Variants in SLC5A3 observed in about 807,000 individuals in gnomAD.
SLC5A3 encodes solute carrier family 5 member 3.
SLC5A3 carries 10 observed loss-of-function variants against 43.2 expected under a neutral mutation model. That is an observed-to-expected ratio of 0.23 (90% CI 0.14 to 0.39). The LOEUF (loss-of-function observed/expected upper bound fraction) is 0.39. SLC5A3 is among the 10% of genes least tolerant of loss of function. The pLI is 1.00. For synonymous variants in SLC5A3, 349 were observed against 322.0 expected, an observed-to-expected ratio of 1.08 and a Z score of -0.90; for missense variants, 608 against 893.4, an observed-to-expected ratio of 0.68 and a Z score of 4.07.
chr21:34,097,656 TAA>T lies in SLC5A3; in HGVS notation c.*302_*303del. The T allele has an allele frequency of 9.3e-7, 1 of 1,080,316 alleles. No individual in the cohort carries two copies. The highest frequency in any genetic ancestry group is 1.1e-6 in the Non-Finnish European group (1 of 881,966). The allele number at this position is 1,080,316 out of a possible 1,614,324, so 66.9% of individuals were successfully genotyped here. A position where few individuals can be genotyped will look rare whatever the true frequency, so the allele number is the denominator to read the frequency against. ...AGAGCACTTAGAGCAGAATATATGT[TAA>T]GTTACCATGAATTAAGGTATACTGT... On this transcript the variant is annotated 3_prime_UTR_variant, in exon 2 of 2. Coordinates refer to ENST00000381151, the MANE Select transcript of SLC5A3 (RefSeq NM_006933.7).
At position 34,095,722 on chromosome 21, in the gene SLC5A3, C is replaced by G; in HGVS notation, c.524C>G (p.Thr175Ser). ...GGCATGACTGCTTTGCTGACTGTCA[C>G]CGGAGGCCTTGTTGCAGTGATCTAC... ...LIGMTALLTV[T>S]GGLVAVIYTD... The change falls in exon 2 of 2, where the codon ACC (threonine) becomes AGC (serine). Residue 175 changes from threonine to serine, a missense_variant. By Grantham distance (58) the Thr-to-Ser change is moderately conservative. This residue lies in a region of SLC5A3 where 398 missense variants were observed against 668.6 expected (regional missense o/e 0.60). Coordinates refer to ENST00000381151, the MANE Select transcript of SLC5A3 (RefSeq NM_006933.7). 6.3e-7 allele frequency: 1 copy of G among 1,576,858 alleles called. No homozygotes were observed. The highest frequency in any genetic ancestry group is 8.6e-7 in the Non-Finnish European group (1 of 1,160,968).
chr21:34,091,579 A>T (rs369056996), intron 1 of SLC5A3, among the ~76,000 whole-genome samples: 6 of 152,180 alleles, frequency 3.9e-5, no homozygotes, highest in African/African-American at 1.4e-4. Flanking sequence ...ATTTGGTCAA[A>T]TGCAGCAAAT....
chr21:34,085,752 G>C lies in SLC5A3; in HGVS notation c.-336-9111G>C, dbSNP rs1297768531. Among the ~76,000 whole-genome samples the C allele has an allele frequency of 2.0e-5, 3 of 152,078 alleles. No homozygotes were observed. The East Asian group carries it at 5.8e-4, about 30-fold the overall frequency. ...GCTGGGACTGGGACTACAGGCGCCC[G>C]CCACCGCACCCAGCTAATTTTTTGT... On this transcript the variant is annotated intron_variant, in intron 1 of 1. Coordinates refer to ENST00000381151, the MANE Select transcript of SLC5A3 (RefSeq NM_006933.7).
In SLC5A3 at chr21:34,098,210, T is replaced by C. The variant is rs979161667; in HGVS notation, c.*855T>C. ...CCCTAAGCAGTGTTTGATTAACTTATGCTAATCAGATGATTACTCATATAT... is the reference window on the plus strand; with the variant it reads ...CCCTAAGCAGTGTTTGATTAACTTACGCTAATCAGATGATTACTCATATAT... On this transcript the variant is annotated 3_prime_UTR_variant, in exon 2 of 2. Coordinates refer to ENST00000381151, the MANE Select transcript of SLC5A3 (RefSeq NM_006933.7). The C allele has an allele frequency of 1.0e-6, 1 of 997,174 alleles. No homozygotes were observed. The highest frequency in any genetic ancestry group is 1.2e-6 in the Non-Finnish European group (1 of 827,232). 61.8% of individuals were successfully genotyped at this position (997,174 alleles called of 1,614,324 possible).
chr21:34,093,954 T>C (rs1291763118), intron 1 of SLC5A3, among the ~76,000 whole-genome samples: 1 of 152,174 alleles, frequency 6.6e-6, no homozygotes, highest in African/African-American at 2.4e-5. Context: ...TGAAAACTTT[T>C]CTCCTCCTCC....
intron 1 of SLC5A3, among the ~76,000 whole-genome samples, chr21:34,083,809 G>A (rs1173622358): frequency 2.0e-5 from 3 of 152,156 alleles, no homozygotes; most frequent in Non-Finnish European, 4.4e-5. Context: ...GTGTGTGTAA[G>A]AAGATTGAAG....
Position 34,099,515 on chromosome 21 carries a change from A to G in SLC5A3, c.*2160A>G, listed in dbSNP as rs1028190131. 9.0e-6 allele frequency: 9 copies of G among 999,480 alleles called. No homozygotes were observed. The highest frequency in any genetic ancestry group is 1.1e-5 in the Non-Finnish European group (9 of 829,432). 61.9% of individuals were successfully genotyped at this position (999,480 alleles called of 1,614,324 possible). ...AGAACTAAAATTTTCTTTGAACCAC[A>G]TTACTGTGTAATTCACTGATAATTG... is the stretch of plus-strand genomic sequence containing the variant. On this transcript the variant is annotated 3_prime_UTR_variant, in exon 2 of 2. Coordinates refer to ENST00000381151, the MANE Select transcript of SLC5A3 (RefSeq NM_006933.7).
chr21:34,074,080 G>A (rs966757478), intron 1 of SLC5A3, among the ~76,000 whole-genome samples: 7 of 144,890 alleles, frequency 4.8e-5, no homozygotes, highest in African/African-American at 1.8e-4. Context: ...TCCAGTGGAA[G>A]GTCCGCGGGA....
chr21:34,093,660 G>A (rs1978822445), intron 1 of SLC5A3, among the ~76,000 whole-genome samples: 1 of 152,192 alleles, frequency 6.6e-6, no homozygotes, highest in African/African-American at 2.4e-5. Context: ...AGAAGTTAAT[G>A]TGTGGAAGGC....
At position 34,099,014 on chromosome 21, in the gene SLC5A3, C is replaced by G. The variant is rs1417111000; in HGVS notation, c.*1659C>G. 1.0e-6 allele frequency: 1 copy of G among 990,404 alleles called. No homozygotes were observed. The highest frequency in any genetic ancestry group is 1.2e-6 in the Non-Finnish European group (1 of 821,258). 61.4% of individuals were successfully genotyped at this position (990,404 alleles called of 1,614,324 possible). On this transcript the variant is annotated 3_prime_UTR_variant, in exon 2 of 2. Coordinates refer to ENST00000381151, the MANE Select transcript of SLC5A3 (RefSeq NM_006933.7). ...TCAGTCTTTTTAATTTTTTTGTAGT[C>G]TATAAACTAGTTTCATTATGATGGA... is the stretch of plus-strand genomic sequence containing the variant.
intron 1 of SLC5A3, among the ~76,000 whole-genome samples, chr21:34,088,649 G>A (rs1978520579): frequency 6.6e-6 from 1 of 152,186 alleles, no homozygotes; most frequent in Non-Finnish European, 1.5e-5. Context: ...TAGTGATTAA[G>A]GGCAAAAGCT....
At position 34,104,255 on chromosome 21, in the gene SLC5A3, G is replaced by A. The variant is rs1979377025; in HGVS notation, c.*6900G>A. The A allele has an allele frequency of 8.0e-6, 8 of 1,000,066 alleles. No homozygotes were observed. Among genetic ancestry groups the A allele is most frequent in the Non-Finnish European group, 9.6e-6 (8 of 829,916 alleles). The allele number at this position is 1,000,066 out of a possible 1,614,324, so 61.9% of individuals were successfully genotyped here. On this transcript the variant is annotated 3_prime_UTR_variant, in exon 2 of 2. Coordinates refer to ENST00000381151, the MANE Select transcript of SLC5A3 (RefSeq NM_006933.7). The stretch of plus-strand genomic sequence containing the variant: ...TTTGCTTTTCACAATGGGGTGGAGA[G>A]GATTCTTTCACTTGTCCCATTAACC...
Position 34,097,310 on chromosome 21 carries a change from T to C in SLC5A3, c.2112T>C (p.Ala704=). 6.2e-7 allele frequency: 1 copy of C among 1,610,664 alleles called. No homozygotes were observed. Among genetic ancestry groups the C allele is most frequent in the Non-Finnish European group, 8.5e-7 (1 of 1,178,802 alleles). Reference sequence around the variant, plus strand: ...TAATACTAAATATTGGACTTTTTGCTGTGTGTTCACTTGGAATTTTCATGT... The same window carrying C: ...TAATACTAAATATTGGACTTTTTGCCGTGTGTTCACTTGGAATTTTCATGT... ...VKVILNIGLF[A]VCSLGIFMFV... Residue 704 remains alanine, a synonymous_variant, in exon 2 of 2, where the codon GCT becomes GCC. Coordinates refer to ENST00000381151, the MANE Select transcript of SLC5A3 (RefSeq NM_006933.7).
At position 34,104,091 on chromosome 21, in the gene SLC5A3, T is replaced by A; in HGVS notation, c.*6736T>A. ...TACTACTTGTCTTTGATTTTTTTTG[T>A]GTACGTTTGTATGTGAGAGATGAAG... On this transcript the variant is annotated 3_prime_UTR_variant, in exon 2 of 2. Transcript: ENST00000381151. 2 of 1,000,076 alleles carry A rather than the reference T, an allele frequency of 2.0e-6. No homozygotes were observed. The highest frequency in any genetic ancestry group is 9.4e-5 in the South Asian group (2 of 21,286). 62.0% of individuals were successfully genotyped at this position (1,000,076 alleles called of 1,614,324 possible).
In SLC5A3 at chr21:34,105,055, CT is replaced by C. The variant is rs1467219675; in HGVS notation, c.*7704del. ...ACAGATCAAGTCTTTTGCTCATAGA[CT>C]TTTCTGTGGGGTTATTAAAATGCAA... On this transcript the variant is annotated 3_prime_UTR_variant, in exon 2 of 2. Transcript: ENST00000381151. 1.0e-6 allele frequency: 1 copy of C among 1,000,020 alleles called. No homozygotes were observed. The highest frequency in any genetic ancestry group is 1.7e-5 in the African/African-American group (1 of 57,342). 61.9% of individuals were successfully genotyped at this position (1,000,020 alleles called of 1,614,324 possible).
chr21:34,096,442 T>C lies in SLC5A3; in HGVS notation c.1244T>C (p.Val415Ala). Residue 415 changes from valine (V) to alanine (A), a missense_variant, in exon 2 of 2, where the codon GTG becomes GCG. Val to Ala is a moderately conservative substitution (Grantham distance 64). Around this residue, in one of 2 missense-constraint regions of SLC5A3, gnomAD observed 398 missense variants for 668.6 expected, o/e 0.60. Transcript: ENST00000381151. The surrounding 1 kb of genome is among the most constrained non-coding windows in gnomAD (Gnocchi z 5.9). ...TTAATGATTGTGGGGAGGATATTTG[T>C]GGCATTTATGGTGGTGATCAGCATA... ...RELMIVGRIF[V>A]AFMVVISIAW... 6.2e-7 allele frequency: 1 copy of C among 1,614,210 alleles called. No homozygotes were observed. The highest frequency in any genetic ancestry group is 1.1e-5 in the South Asian group (1 of 91,084).
intron 1 of SLC5A3, among the ~76,000 whole-genome samples, chr21:34,083,527 GTTT>G (rs1479958903): frequency 6.6e-6 from 1 of 152,170 alleles, no homozygotes; most frequent in Non-Finnish European, 1.5e-5. Context: ...GTGTGGTTTT[GTTT>G]TTTAACTGCT....
intron 1 of SLC5A3, among the ~76,000 whole-genome samples, chr21:34,086,145 A>G (rs182437525): frequency 6.6e-6 from 1 of 152,216 alleles, no homozygotes; most frequent in African/African-American, 2.4e-5. Context: ...TGCTGTTTAT[A>G]TATATTCTTC....
chr21:34,093,535 A>G (rs1474824317), intron 1 of SLC5A3, among the ~76,000 whole-genome samples: 1 of 152,158 alleles, frequency 6.6e-6, no homozygotes, highest in Non-Finnish European at 1.5e-5. Flanking sequence ...TTTTGAGAAG[A>G]GGTAGCTTTA....
Sources: allele counts gnomAD v4.1 joint callset (sites outside exome capture counted in the v4.1 genomes callset), GRCh38; gene constraint gnomAD v4.1.1; regional missense constraint gnomAD v4.1.1; non-coding constraint Gnocchi (gnomAD v3.1); transcripts MANE v1.5; gene names NCBI Gene and HGNC (gene_info 2026-07-23, HGNC 2026-07-21).